Variants in PPP5C observed in about 807,000 individuals in gnomAD.
PPP5C encodes the protein serine/threonine-protein phosphatase 5.
A neutral mutation model predicts 66.7 loss-of-function variants in PPP5C; 21 were observed. The ratio of observed to expected loss-of-function variants is 0.31; its 90% CI spans 0.22 to 0.45. PPP5C has a LOEUF of 0.45. PPP5C is among the 20% of genes least tolerant of loss of function. The pLI is 1.00. For missense variants in PPP5C, 464 were observed against 675.9 expected, an observed-to-expected ratio of 0.69 and a Z score of 3.48; for synonymous variants, 246 against 257.4, an observed-to-expected ratio of 0.96 and a Z score of 0.43.
intron 11 of PPP5C, among the ~76,000 whole-genome samples, chr19:46,389,360 AAAACACACACACACACACACACAC>A (rs2147408825): frequency 8.0e-6 from 1 of 124,314 alleles, no homozygotes; most frequent in African/African-American, 3.6e-5. Context: ...ACTCCATCTC[AAAACACACACACACACACACACAC>A]ACACACACAC....
chr19:46,380,974 G>A (rs984836673), intron 4 of PPP5C, among the ~76,000 whole-genome samples: 5 of 151,998 alleles, frequency 3.3e-5, no homozygotes, highest in South Asian at 2.1e-4. Context: ...TCTCCTCTCC[G>A]TCTGGAAAGC....
At chr19:46,365,307 G>T (rs998957563) in intron 2 of PPP5C, among the ~76,000 whole-genome samples, 1 of 150,978 alleles carries the variant, frequency 6.6e-6, no homozygotes, top group Non-Finnish European at 1.5e-5. Flanking sequence ...TAGTAGAGGC[G>T]GGGTTTCACG....
At chr19:46,354,060 G>T (rs778968012) in intron 2 of PPP5C, 71 bp downstream of exon 2, 5 of 1,554,050 alleles carry the variant, frequency 3.2e-6, no homozygotes, top group Non-Finnish European at 4.3e-6. Flanking sequence ...GGCGGGGACG[G>T]GTGTGAGGAG....
chr19:46,376,438 T>C lies in PPP5C; in HGVS notation c.512-15T>C. 1 of 1,612,458 alleles carries C rather than the reference T, an allele frequency of 6.2e-7. No homozygotes were observed. The highest frequency in any genetic ancestry group is 8.5e-7 in the Non-Finnish European group (1 of 1,179,018). On this transcript the variant is annotated splice_polypyrimidine_tract_variant and intron_variant, in intron 3 of 12. Transcript: ENST00000012443. The surrounding 1 kb of genome is among the most constrained non-coding windows in gnomAD (Gnocchi z 5.1). ...TGTGGTCACTGACTCTCGTGTCCCG[T>C]TGTTCACACCCTAGCCATTGAGGAT...
At position 46,376,894 on chromosome 19, in the gene PPP5C, G is replaced by A. The variant is rs565026627; in HGVS notation, c.633+320G>A. Reference sequence around the variant, plus strand: ...GAGTTCTCATCCCAGGCTCTTGGGCGTCTGTGGCTGCTGGTTGTTGCAGGT... The same window carrying A: ...GAGTTCTCATCCCAGGCTCTTGGGCATCTGTGGCTGCTGGTTGTTGCAGGT... On this transcript the variant is annotated intron_variant, in intron 4 of 12. Transcript: ENST00000012443. The surrounding 1 kb of genome is among the most constrained non-coding windows in gnomAD (Gnocchi z 5.1). Among the ~76,000 whole-genome samples the A allele has an allele frequency of 7.9e-5, 12 of 152,294 alleles. No homozygotes were observed. Among genetic ancestry groups the A allele is most frequent in the Admixed American group, 2.0e-4 (3 of 15,308 alleles).
chr19:46,364,069 T>G (rs1972450348), intron 2 of PPP5C, among the ~76,000 whole-genome samples: 1 of 152,156 alleles, frequency 6.6e-6, no homozygotes, highest in Admixed American at 6.5e-5. Context: ...GATCTTGTTT[T>G]CCATAAAGCA....
At chr19:46,359,937 C>G (rs1415770037) in intron 2 of PPP5C, among the ~76,000 whole-genome samples, 1 of 151,952 alleles carries the variant, frequency 6.6e-6, no homozygotes, top group East Asian at 1.9e-4. Flanking sequence ...CTGCCACACA[C>G]CTGGCTAATT....
At chr19:46,361,589 TAAAAAAAAAAA>T (rs935838226) in intron 2 of PPP5C, among the ~76,000 whole-genome samples, 64 of 85,272 alleles carry the variant, frequency 7.5e-4, no homozygotes, top group Non-Finnish European at 5.3e-4. Context: ...TACTAAAAAT[TAAAAAAAAAAA>T]AAAAAAAAAA....
At chr19:46,368,587 T>G (rs142786485) in intron 2 of PPP5C, among the ~76,000 whole-genome samples, 265 of 152,328 alleles carry the variant, frequency 1.7e-3, no homozygotes, top group African/African-American at 6.1e-3. Context: ...TACCCGTGGT[T>G]TTAGTGGCAT....
At chr19:46,371,125 G>A (rs868211575) in intron 2 of PPP5C, among the ~76,000 whole-genome samples, 5 of 151,984 alleles carry the variant, frequency 3.3e-5, no homozygotes, top group African/African-American at 1.2e-4. Context: ...GTCCTTTTCC[G>A]GAAGACACCA....
chr19:46,349,064 G>A (rs1272480209), intron 1 of PPP5C, among the ~76,000 whole-genome samples: 1 of 152,108 alleles, frequency 6.6e-6, no homozygotes, highest in Non-Finnish European at 1.5e-5. Context: ...AGAAATGGGG[G>A]AGGGTGGTAA....
chr19:46,370,549 C>G (rs369467450), intron 2 of PPP5C, among the ~76,000 whole-genome samples: 1 of 152,136 alleles, frequency 6.6e-6, no homozygotes, highest in Non-Finnish European at 1.5e-5. Flanking sequence ...AGAAAAATGT[C>G]CATGGTGGTT....
At chr19:46,363,611 A>G (rs1460460131) in intron 2 of PPP5C, among the ~76,000 whole-genome samples, 2 of 151,598 alleles carry the variant, frequency 1.3e-5, no homozygotes, top group Non-Finnish European at 2.9e-5. Context: ...TCATACTTTT[A>G]GTAGAGATGG....
intron 2 of PPP5C, among the ~76,000 whole-genome samples, chr19:46,365,517 C>G (rs1370739716): frequency 6.6e-6 from 1 of 152,166 alleles, no homozygotes; most frequent in African/African-American, 2.4e-5. Flanking sequence ...CCAGGTGTCA[C>G]CAGTGAATCG....
chr19:46,384,224 T>C (rs1335428798), intron 6 of PPP5C, among the ~76,000 whole-genome samples: 1 of 152,260 alleles, frequency 6.6e-6, no homozygotes, highest in Non-Finnish European at 1.5e-5. Flanking sequence ...TTCCCAGCTG[T>C]GTGACCGAAG....
chr19:46,377,567 G>T (rs1284809092), intron 4 of PPP5C, among the ~76,000 whole-genome samples: 1 of 152,324 alleles, frequency 6.6e-6, no homozygotes, highest in South Asian at 2.1e-4. Flanking sequence ...TGTTAGATGA[G>T]TTTTTAGAGT....
intron 11 of PPP5C, among the ~76,000 whole-genome samples, chr19:46,389,624 T>C (rs1054863624): frequency 6.6e-6 from 1 of 152,032 alleles, no homozygotes; most frequent in African/African-American, 2.4e-5. Flanking sequence ...CCGCATCATT[T>C]ATTTGTTGAA....
At chr19:46,385,341 C>G (rs1972863736) in intron 7 of PPP5C, among the ~76,000 whole-genome samples, 1 of 152,116 alleles carries the variant, frequency 6.6e-6, no homozygotes, top group South Asian at 2.1e-4. Context: ...TTTGGGTTCT[C>G]TTGATTGAAG....
At chr19:46,387,626 G>T in intron 9 of PPP5C, 173 bp downstream of exon 9, 1 of 1,527,924 alleles carries the variant, frequency 6.5e-7, no homozygotes, top group African/African-American at 1.4e-5. Context: ...CCTTCATGGG[G>T]CTGTGATGGC....
Sources: allele counts gnomAD v4.1 joint callset (sites outside exome capture counted in the v4.1 genomes callset), GRCh38; gene constraint gnomAD v4.1.1; non-coding constraint Gnocchi (gnomAD v3.1); transcripts MANE v1.5; gene names NCBI Gene and HGNC (gene_info 2026-07-23, HGNC 2026-07-21).